The following ACTN4 variants were observed in gnomAD, a reference collection of about 807,000 sequenced individuals.
ACTN4 encodes actinin alpha 4, also known as alpha-actinin-4.
Under a neutral mutation model 114.2 loss-of-function variants are expected in ACTN4, and 18 were observed. That is an observed-to-expected ratio of 0.16 (90% CI 0.11 to 0.23). The LOEUF (loss-of-function observed/expected upper bound fraction) is 0.23. ACTN4 is among the 10% of genes least tolerant of loss of function. The pLI is 1.00. For missense variants in ACTN4, 722 were observed against 1,262.9 expected, an observed-to-expected ratio of 0.57 and a Z score of 6.49; for synonymous variants, 515 against 506.3, an observed-to-expected ratio of 1.02 and a Z score of -0.23.
chr19:38,695,881 T>C (rs1261988592), intron 1 of ACTN4, among the ~76,000 whole-genome samples: 1 of 151,280 alleles, frequency 6.6e-6, no homozygotes. Flanking sequence ...TCAGCTCCCA[T>C]CCCAGGGGAG....
intron 19 of ACTN4, chr19:38,728,477 C>T (rs2145112913): frequency 1.1e-6 from 1 of 916,804 alleles, no homozygotes; most frequent in Non-Finnish European, 1.5e-6. Context: ...TCACCGCCTC[C>T]AGAGCTTCCT....
At chr19:38,691,663 G>A (rs190064038) in intron 1 of ACTN4, among the ~76,000 whole-genome samples, 451 of 152,290 alleles carry the variant, frequency 3.0e-3, no homozygotes, top group Middle Eastern at 0.014. Context: ...AGCACTTTGG[G>A]AGGCTGAGGC....
chr19:38,702,954 C>T (rs1261602183), intron 3 of ACTN4, among the ~76,000 whole-genome samples: 1 of 152,180 alleles, frequency 6.6e-6, no homozygotes, highest in Non-Finnish European at 1.5e-5. Flanking sequence ...AGCTTTGGAA[C>T]TCACCCCTGT....
intron 1 of ACTN4, among the ~76,000 whole-genome samples, chr19:38,694,770 T>TTTA (rs529240236): frequency 2.4e-4 from 36 of 152,342 alleles, no homozygotes; most frequent in African/African-American, 7.9e-4. Context: ...GGTTGGAGGT[T>TTTA]TTAAAGAGTT....
In ACTN4 at chr19:38,697,722, G is replaced by A. The variant is rs564599269; in HGVS notation, c.163-2878G>A. 4.6e-5 allele frequency among the ~76,000 whole-genome samples: 7 copies of A among 152,368 alleles called. No individual in the cohort carries two copies. The South Asian group carries it at 1.2e-3, about 27-fold the overall frequency. ...TCTGGGCCTGGCAACACCAGAGCAC[G>A]GGGCCTTGCCCTCGGGGAACAGCCC... On this transcript the variant is annotated intron_variant, in intron 1 of 20. Coordinates refer to ENST00000252699, the MANE Select transcript of ACTN4 (RefSeq NM_004924.6).
intron 9 of ACTN4, among the ~76,000 whole-genome samples, chr19:38,716,009 C>T (rs1051422814): frequency 6.6e-6 from 1 of 152,246 alleles, no homozygotes; most frequent in Non-Finnish European, 1.5e-5. Context: ...TCAAGCAGTT[C>T]TCCTGCCTCA....
In ACTN4 at chr19:38,727,636, C is replaced by A. The variant is rs539160821; in HGVS notation, c.2338-310C>A. On this transcript the variant is annotated intron_variant, in intron 18 of 20. Coordinates refer to ENST00000252699, the MANE Select transcript of ACTN4 (RefSeq NM_004924.6). This position sits in a 1 kb window ranked among gnomAD's most constrained non-coding sequence, Gnocchi z 5.4. ...CCCAAAGGCAAGGAGAACCCCCCCC[C>A]CGACCCTCCACCAGTCCTGGGACTT... Among the ~76,000 whole-genome samples, 3 of 141,296 alleles carry A rather than the reference C, an allele frequency of 2.1e-5. No individual in the cohort carries two copies. The highest frequency in any genetic ancestry group is 3.1e-5 in the Non-Finnish European group (2 of 64,354). 92.7% of individuals were successfully genotyped at this position (141,296 alleles called of 152,430 possible).
At chr19:38,711,979 C>T (rs902482071) in intron 8 of ACTN4, among the ~76,000 whole-genome samples, 7 of 152,250 alleles carry the variant, frequency 4.6e-5, no homozygotes, top group South Asian at 2.1e-4. Context: ...CTGCTCCCCC[C>T]GCTTGCCTTG....
Position 38,660,972 on chromosome 19 carries a change from C to T in ACTN4, c.162+13065C>T, listed in dbSNP as rs573639330. Among the ~76,000 whole-genome samples the T allele has an allele frequency of 3.3e-5, 5 of 152,046 alleles. No individual in the cohort carries two copies. The East Asian group carries it at 5.8e-4, about 18-fold the overall frequency. On this transcript the variant is annotated intron_variant, in intron 1 of 20. Coordinates refer to ENST00000252699, the MANE Select transcript of ACTN4 (RefSeq NM_004924.6). Reference sequence around the variant, plus strand: ...AGGTGGCATTTCAGCTGTTCCTTAACGGATGAGAAAGAGAGAACCAAGAGA... The same window carrying T: ...AGGTGGCATTTCAGCTGTTCCTTAATGGATGAGAAAGAGAGAACCAAGAGA...
chr19:38,654,971 G>T (rs1976671672), intron 1 of ACTN4, among the ~76,000 whole-genome samples: 1 of 152,096 alleles, frequency 6.6e-6, no homozygotes, highest in African/African-American at 2.4e-5. Flanking sequence ...TTGTTGTGCT[G>T]GCTCCTTCCT....
rs1362647366 is a variant in ACTN4, at chr19:38,729,026, C to G, written c.2449C>G (p.Leu817Val). The G allele has an allele frequency of 6.2e-7, 1 of 1,613,398 alleles. No individual in the cohort carries two copies. Among genetic ancestry groups the G allele is most frequent in the African/African-American group, 1.3e-5 (1 of 74,928 alleles). ...GGCCGAGTTCAACCGCATCATGAGC[C>G]TGGTCGACCCCAACCATAGCGGCCT... The part of the protein sequence containing the change: ...GEAEFNRIMS[L>V]VDPNHSGLVT... The change falls in exon 20 of 21, where the codon CTG becomes GTG. Residue 817 changes from leucine to valine, a missense_variant. Leu to Val is a conservative substitution (Grantham distance 32, BLOSUM62 1). Coordinates refer to ENST00000252699, the MANE Select transcript of ACTN4 (RefSeq NM_004924.6).
In ACTN4 at chr19:38,714,710, T is replaced by C. The variant is rs1007010964; in HGVS notation, c.912+149T>C. The C allele has an allele frequency of 1.1e-5, 10 of 871,920 alleles. 1 individual carries two copies. In the South Asian group the frequency reaches 1.3e-4, roughly 11 times the overall value. 54.0% of individuals were successfully genotyped at this position (871,920 alleles called of 1,614,324 possible). On this transcript the variant is annotated intron_variant, in intron 9 of 20. Coordinates refer to ENST00000252699, the MANE Select transcript of ACTN4 (RefSeq NM_004924.6). Reference sequence around the variant, plus strand: ...GACCATGGCATTTAGCCAGCTGGTGTGTACACGACCTCTCCGTTTGCTTCC... The same window carrying C: ...GACCATGGCATTTAGCCAGCTGGTGCGTACACGACCTCTCCGTTTGCTTCC...
At chr19:38,669,188 T>C (rs1967059050) in intron 1 of ACTN4, among the ~76,000 whole-genome samples, 1 of 152,164 alleles carries the variant, frequency 6.6e-6, no homozygotes, top group African/African-American at 2.4e-5. Context: ...GGTTTCACCA[T>C]GTTGGCCAGA....
chr19:38,705,683 A>T (rs1310208046), intron 4 of ACTN4, among the ~76,000 whole-genome samples: 1 of 152,226 alleles, frequency 6.6e-6, no homozygotes, highest in African/African-American at 2.4e-5. Flanking sequence ...GCCGGTATCA[A>T]GGGCCTGTCT....
chr19:38,705,068 G>T (rs763228852), intron 4 of ACTN4, 48 bp downstream of exon 4: 1 of 1,533,084 alleles, frequency 6.5e-7, no homozygotes, highest in South Asian at 1.1e-5. Flanking sequence ...GTCAGGGCGG[G>T]TTAGAGGAGA....
chr19:38,722,289 C>G (rs549608064), intron 12 of ACTN4, among the ~76,000 whole-genome samples: 1 of 152,186 alleles, frequency 6.6e-6, no homozygotes, highest in African/African-American at 2.4e-5. Context: ...AGCAGGAGGC[C>G]CAGGCCATTA....
chr19:38,682,335 C>G (rs145893895), intron 1 of ACTN4, among the ~76,000 whole-genome samples: 57 of 152,084 alleles, frequency 3.7e-4, no homozygotes, highest in African/African-American at 1.3e-3. Flanking sequence ...CTACCATGCC[C>G]TGTCTCTTTT....
At chr19:38,681,129 G>GAAAAA (rs35906770) in intron 1 of ACTN4, among the ~76,000 whole-genome samples, 5 of 69,280 alleles carry the variant, frequency 7.2e-5, no homozygotes, top group South Asian at 5.9e-4. Flanking sequence ...CCAATCTCTA[G>GAAAAA]AAAAAAAAAA....
intron 17 of ACTN4, 46 bp downstream of exon 17, chr19:38,725,949 C>A: frequency 6.2e-7 from 1 of 1,608,054 alleles, no homozygotes; most frequent in Non-Finnish European, 8.5e-7. Flanking sequence ...GCATGGCCGG[C>A]TTCCTCACTG....
Sources: allele counts gnomAD v4.1 joint callset (sites outside exome capture counted in the v4.1 genomes callset), GRCh38; gene constraint gnomAD v4.1.1; non-coding constraint Gnocchi (gnomAD v3.1); transcripts MANE v1.5; gene names NCBI Gene and HGNC (gene_info 2026-07-23, HGNC 2026-07-21).